Variants in DNAH5 observed in about 807,000 individuals in gnomAD.
DNAH5 encodes the protein axonemal beta dynein heavy chain 5.
DNAH5 carries 372 observed loss-of-function variants against 518.2 expected under a neutral mutation model. The observed-to-expected ratio is 0.72, with a 90% confidence interval of 0.66 to 0.78. The LOEUF (loss-of-function observed/expected upper bound fraction) is 0.78. Ranked by LOEUF, DNAH5 falls within the 30% of genes least tolerant of loss-of-function variation. The pLI is 0.00. For synonymous variants in DNAH5, 2,039 were observed against 2,025.9 expected (o/e 1.01, Z -0.17); for missense variants, 5,523 against 5,687.0 (o/e 0.97, Z 0.93).
intron 68 of DNAH5, among the ~76,000 whole-genome samples, chr5:13,733,092 G>C (rs1210950283): frequency 3.3e-5 from 5 of 152,154 alleles, no homozygotes; most frequent in African/African-American, 1.2e-4. Flanking sequence ...GCCATCATTT[G>C]CTAAGCATAT....
chr5:13,793,863 A>ATTT, intron 48 of DNAH5, 73 bp downstream of exon 48: 3 of 1,563,362 alleles, frequency 1.9e-6, no homozygotes, highest in Non-Finnish European at 2.6e-6. Flanking sequence ...CTTAAAAAAA[A>ATTT]TTTTTAAAAA....
At chr5:13,987,639 C>T (rs575998593) in intron 1 of DNAH5, among the ~76,000 whole-genome samples, 220 of 151,748 alleles carry the variant, frequency 1.4e-3, no homozygotes, top group African/African-American at 4.8e-3. Flanking sequence ...GATCACCTGA[C>T]GTCAGGAGTT....
At chr5:13,893,161 C>A (rs1254257662) in intron 16 of DNAH5, among the ~76,000 whole-genome samples, 12 of 152,134 alleles carry the variant, frequency 7.9e-5, no homozygotes, top group African/African-American at 2.2e-4. Context: ...ATAAGACAAG[C>A]TCTTGACAAT....
At position 13,890,472 on chromosome 5, in the gene DNAH5, G is replaced by A. The variant is rs189282267; in HGVS notation, c.2577+504C>T. On this transcript the variant is annotated intron_variant, in intron 17 of 78. Transcript: ENST00000265104. ...CTTTATCTTAACATGTTAAAGTGTAGCGGATCTGTAAGCACAGTCTTTACC... is the reference window on the plus strand; with the variant it reads ...CTTTATCTTAACATGTTAAAGTGTAACGGATCTGTAAGCACAGTCTTTACC... Among the ~76,000 whole-genome samples, 41 of 151,518 alleles carry A rather than the reference G, an allele frequency of 2.7e-4. 1 individual carries two copies. The highest frequency in any genetic ancestry group is 1.0e-3 in the African/African-American group (41 of 41,128).
intron 32 of DNAH5, 96 bp downstream of exon 32, chr5:13,844,741 A>G: frequency 6.6e-7 from 1 of 1,517,036 alleles, no homozygotes; most frequent in Non-Finnish European, 9.1e-7. Context: ...ACAGGGAAGC[A>G]ACCCTTGTTA....
At position 13,840,968 on chromosome 5, in the gene DNAH5, G is replaced by A. The variant is rs575017579; in HGVS notation, c.5647C>T (p.Arg1883Ter). Residue 1883 changes from arginine to a stop codon, truncating the protein, a stop_gained, in exon 34 of 79, where the codon CGA (arginine) becomes TGA (stop). Coordinates refer to ENST00000265104, the MANE Select transcript of DNAH5 (RefSeq NM_001369.3). LOFTEE classifies it high-confidence loss of function. Reference protein sequence around the residue: ...VTTRDLSSTERVKYETLITIH... With the variant: ...VTTRDLSSTE The stretch of plus-strand genomic sequence containing the variant: ...GTAATCAGAGTCTCGTATTTCACTC[G>A]TTCCGTGGAACTCAGATCCCTCGTG... 20 of 1,613,912 alleles carry A rather than the reference G, an allele frequency of 1.2e-5. No homozygotes were observed. Among genetic ancestry groups the A allele is most frequent in the East Asian group, 6.7e-5 (3 of 44,892 alleles).
rs189679840 is a variant in DNAH5, at chr5:13,706,967, T to G, written c.13338+1156A>C. On this transcript the variant is annotated intron_variant, in intron 76 of 78. Transcript: ENST00000265104. ...GACCTACCTAAGTGAGAACAGGCACTCTTGTTTTCGTGCCCAAATGTTGCA... is the reference window on the plus strand; with the variant it reads ...GACCTACCTAAGTGAGAACAGGCACGCTTGTTTTCGTGCCCAAATGTTGCA... Among the ~76,000 whole-genome samples the G allele has an allele frequency of 9.2e-5, 14 of 152,290 alleles. 1 individual carries two copies. In the East Asian group the frequency reaches 1.4e-3, roughly 15 times the overall value.
rs540462325 is a variant in DNAH5 at position 13,896,990 on chromosome 5, T to A, written c.2260-2169A>T. Among the ~76,000 whole-genome samples, 9 of 152,230 alleles carry A rather than the reference T, an allele frequency of 5.9e-5. No homozygotes were observed. In the East Asian group the frequency reaches 1.2e-3, roughly 20 times the overall value. On this transcript the variant is annotated intron_variant, in intron 15 of 78. Transcript: ENST00000265104. ...TCCAAAGAGATTCTATAAGAAAAAA[T>A]GTCCCTTTGATAGATAAATTTTGAA...
At chr5:13,735,775 C>T in intron 67 of DNAH5, 43 bp downstream of exon 67, 1 of 1,391,236 alleles carries the variant, frequency 7.2e-7, no homozygotes, top group Non-Finnish European at 1.0e-6. Context: ...CATTTTAGTG[C>T]ACAGATATAG....
Position 13,868,131 on chromosome 5 carries a change from A to T in DNAH5, c.3835-139T>A, listed in dbSNP as rs879243672. The T allele has an allele frequency of 2.8e-5, 21 of 744,544 alleles. No individual in the cohort carries two copies. The South Asian group carries it at 3.4e-4, about 12-fold the overall frequency. 46.1% of individuals were successfully genotyped at this position (744,544 alleles called of 1,614,324 possible). A position where few individuals can be genotyped will look rare whatever the true frequency, so the allele number is the denominator to read the frequency against. ...GAGAGTTCTAGTTATTCTACTTCAA[A>T]CCGCAAGAGGTTAACTGTGCAACTG... On this transcript the variant is annotated intron_variant, in intron 24 of 78. Transcript: ENST00000265104.
At chr5:13,951,605 C>T (rs997169796) in intron 1 of DNAH5, among the ~76,000 whole-genome samples, 66 of 152,076 alleles carry the variant, frequency 4.3e-4, no homozygotes, top group African/African-American at 1.6e-3. Flanking sequence ...AGTCATTACT[C>T]ATGCCAAGAT....
intron 78 of DNAH5, among the ~76,000 whole-genome samples, chr5:13,699,980 T>C (rs893686480): frequency 6.6e-6 from 1 of 152,222 alleles, no homozygotes; most frequent in Non-Finnish European, 1.5e-5. Flanking sequence ...GTTTAGGCAT[T>C]TTTAGACTTG....
chr5:13,889,724 C>T (rs1205441718), intron 17 of DNAH5, among the ~76,000 whole-genome samples: 1 of 152,102 alleles, frequency 6.6e-6, no homozygotes, highest in African/African-American at 2.4e-5. Context: ...TGGGCAGAAA[C>T]ATTGCACAGA....
intron 1 of DNAH5, among the ~76,000 whole-genome samples, chr5:13,983,100 A>G (rs1457412037): frequency 1.3e-5 from 2 of 152,220 alleles, no homozygotes. Context: ...AAGCCCTAGG[A>G]ATCTGGATTT....
At chr5:13,919,071 CA>C in intron 7 of DNAH5, 104 bp downstream of exon 7, 1 of 1,379,398 alleles carries the variant, frequency 7.2e-7, no homozygotes, top group South Asian at 1.2e-5. Flanking sequence ...TGTTTTTCAT[CA>C]AGGTATAATA....
chr5:13,844,989 A>G lies in DNAH5; in HGVS notation c.5119T>C (p.Leu1707=). The part of the protein sequence containing the change: ...EICQKSLTGY[L]EKKRLCFPRF... Reference sequence around the variant, plus strand: ...GGAAAGCACAGTCGTTTTTTCTCCAAGTACCTACAAGGAGAGGAAAAACAT... The same window carrying G: ...GGAAAGCACAGTCGTTTTTTCTCCAGGTACCTACAAGGAGAGGAAAAACAT... The change falls in exon 32 of 79, where the codon TTG becomes CTG. Residue 1707 remains leucine (L), a synonymous_variant. Transcript: ENST00000265104. 1 of 1,613,762 alleles carries G rather than the reference A, an allele frequency of 6.2e-7. No individual in the cohort carries two copies. Among genetic ancestry groups the G allele is most frequent in the Non-Finnish European group, 8.5e-7 (1 of 1,179,732 alleles).
chr5:13,962,037 C>T (rs1214807592), intron 1 of DNAH5, among the ~76,000 whole-genome samples: 1 of 152,008 alleles, frequency 6.6e-6, no homozygotes, highest in Non-Finnish European at 1.5e-5. Flanking sequence ...ACTTGATATA[C>T]CAAAAAACTG....
chr5:13,974,138 C>CTTTTT (rs373199315), intron 1 of DNAH5, among the ~76,000 whole-genome samples: 4 of 139,948 alleles, frequency 2.9e-5, no homozygotes, highest in African/African-American at 5.2e-5. Context: ...TTTTTCTTTT[C>CTTTTT]TTTTCTTTTT....
At chr5:13,762,512 C>T (rs1751922994) in intron 60 of DNAH5, among the ~76,000 whole-genome samples, 1 of 152,136 alleles carries the variant, frequency 6.6e-6, no homozygotes, top group African/African-American at 2.4e-5. Context: ...GAGTCTGTCC[C>T]TGCTTAGAGG....
Sources: allele counts gnomAD v4.1 joint callset (sites outside exome capture counted in the v4.1 genomes callset), GRCh38; gene constraint gnomAD v4.1.1; transcripts MANE v1.5; gene names NCBI Gene and HGNC (gene_info 2026-07-23, HGNC 2026-07-21).